The following FGF14 variants were observed in gnomAD, a reference collection of about 807,000 sequenced individuals.
The protein encoded by FGF14 is fibroblast growth factor 14.
In FGF14, 5 loss-of-function variants were observed where a neutral mutation model predicts 25.5. The ratio of observed to expected loss-of-function variants is 0.20; its 90% CI spans 0.10 to 0.41. The LOEUF (loss-of-function observed/expected upper bound fraction) is 0.41, where lower values mean the gene tolerates loss of function less well. Among genes scored for constraint, FGF14 ranks in the 10% least tolerant of loss-of-function variants. The probability of loss-of-function intolerance (pLI) is 1.00; values close to 1 mark genes in which losing one functional copy is unlikely to be tolerated. For synonymous variants in FGF14, 138 were observed against 118.3 expected, an observed-to-expected ratio of 1.17 and a Z score of -1.08; for missense variants, 222 against 320.1, an observed-to-expected ratio of 0.69 and a Z score of 2.34.
At chr13:101,969,154 T>C (rs995321956) in intron 1 of FGF14, among the ~76,000 whole-genome samples, 8 of 152,328 alleles carry the variant, frequency 5.3e-5, no homozygotes, top group Admixed American at 2.6e-4. Flanking sequence ...ACTGCCTAGG[T>C]CTTCATAACT....
At chr13:101,947,996 G>A (rs1461386296) in intron 1 of FGF14, among the ~76,000 whole-genome samples, 1 of 152,164 alleles carries the variant, frequency 6.6e-6, no homozygotes, top group Non-Finnish European at 1.5e-5. Flanking sequence ...AAAGTTTCAT[G>A]TTTTAAAGAA....
At chr13:102,183,759 T>C (rs2048768618) in intron 1 of FGF14, among the ~76,000 whole-genome samples, 1 of 152,184 alleles carries the variant, frequency 6.6e-6, no homozygotes, top group East Asian at 1.9e-4. Flanking sequence ...CATGCCAGAC[T>C]TGGGAATCGG....
At chr13:102,161,172 A>G (rs1594212344) in intron 1 of FGF14, among the ~76,000 whole-genome samples, 1 of 152,218 alleles carries the variant, frequency 6.6e-6, no homozygotes, top group East Asian at 1.9e-4. Context: ...ACAATGTATC[A>G]GGTACTAAGT....
chr13:101,722,691 C>T lies in FGF14; in HGVS notation c.*140G>A. ...CAGGTTGAGATTTATCCACTTGCAACAGAGAAGTTCGGAGACAGCAAAGAA... is the reference window on the plus strand; with the variant it reads ...CAGGTTGAGATTTATCCACTTGCAATAGAGAAGTTCGGAGACAGCAAAGAA... On this transcript the variant is annotated 3_prime_UTR_variant, in exon 5 of 5. Coordinates refer to ENST00000376143, the MANE Select transcript of FGF14 (RefSeq NM_004115.4). 1 of 1,172,154 alleles carries T rather than the reference C, an allele frequency of 8.5e-7. No homozygotes were observed. Among genetic ancestry groups the T allele is most frequent in the East Asian group, 2.5e-5 (1 of 39,532 alleles). The allele number at this position is 1,172,154 out of a possible 1,614,324, so 72.6% of individuals were successfully genotyped here. A position where few individuals can be genotyped will look rare whatever the true frequency, so the allele number is the denominator to read the frequency against.
intron 1 of FGF14, among the ~76,000 whole-genome samples, chr13:102,224,859 T>C (rs1312608565): frequency 6.6e-6 from 1 of 152,186 alleles, no homozygotes; most frequent in Non-Finnish European, 1.5e-5. Flanking sequence ...TTTAACACAC[T>C]GTAATCTAAG....
At chr13:101,858,908 CCT>C (rs544135304) in intron 3 of FGF14, among the ~76,000 whole-genome samples, 68 of 152,084 alleles carry the variant, frequency 4.5e-4, no homozygotes, top group African/African-American at 1.5e-3. Flanking sequence ...TTTTTTCTCC[CCT>C]GAGATTCTCT....
In FGF14 at chr13:101,714,009, A is replaced by G. The variant is rs1215296339; in HGVS notation, c.*8822T>C. 6.4e-6 allele frequency: 1 copy of G among 156,840 alleles called. No homozygotes were observed. Among genetic ancestry groups the G allele is most frequent in the Non-Finnish European group, 1.4e-5 (1 of 71,168 alleles). 9.7% of individuals were successfully genotyped at this position (156,840 alleles called of 1,614,324 possible). On this transcript the variant is annotated 3_prime_UTR_variant, in exon 5 of 5. Coordinates refer to ENST00000376143, the MANE Select transcript of FGF14 (RefSeq NM_004115.4). ...TCCAAAATTATAAGCACAATAATTT[A>G]GTAGTTGTTTTAATTAGAAATGCAA...
chr13:102,297,506 G>A (rs1399250387), intron 1 of FGF14, among the ~76,000 whole-genome samples: 1 of 152,102 alleles, frequency 6.6e-6, no homozygotes, highest in Non-Finnish European at 1.5e-5. Flanking sequence ...CTATGTAAGA[G>A]GAAGCTGGGT....
At chr13:102,136,677 A>AT (rs1159309467) in intron 1 of FGF14, among the ~76,000 whole-genome samples, 2 of 152,012 alleles carry the variant, frequency 1.3e-5, no homozygotes, top group Non-Finnish European at 2.9e-5. Context: ...AAAAAAAAAA[A>AT]CCTGAGACTG....
intron 1 of FGF14, among the ~76,000 whole-genome samples, chr13:101,957,691 C>G (rs17687684): frequency 0.085 from 12,904 of 152,230 alleles, 705 homozygotes; most frequent in Admixed American, 0.19. Flanking sequence ...TCCATCCACC[C>G]TAATTTCTCA....
intron 1 of FGF14, among the ~76,000 whole-genome samples, chr13:102,290,734 C>T (rs561940344): frequency 6.6e-6 from 1 of 152,234 alleles, no homozygotes; most frequent in East Asian, 1.9e-4. Flanking sequence ...GGTACAGCCC[C>T]GAGCTAGGTC....
intron 3 of FGF14, among the ~76,000 whole-genome samples, chr13:101,780,979 G>A (rs748939603): frequency 3.3e-5 from 5 of 151,928 alleles, no homozygotes; most frequent in Admixed American, 1.3e-4. Context: ...TATTTCGTGC[G>A]CGTGCCTCAT....
At chr13:101,839,301 AT>A (rs1478235460) in intron 3 of FGF14, among the ~76,000 whole-genome samples, 3 of 152,044 alleles carry the variant, frequency 2.0e-5, no homozygotes, top group African/African-American at 7.2e-5. Flanking sequence ...GTGAAGTCTA[AT>A]TTATAGACAT....
At chr13:102,340,299 C>T (rs775579539) in intron 1 of FGF14, among the ~76,000 whole-genome samples, 13 of 152,106 alleles carry the variant, frequency 8.5e-5, no homozygotes, top group Non-Finnish European at 1.0e-4. Flanking sequence ...GAAGCAATTG[C>T]GTTTCACATC....
intron 1 of FGF14, among the ~76,000 whole-genome samples, chr13:101,911,191 T>A (rs558307119): frequency 1.3e-5 from 2 of 152,158 alleles, no homozygotes; most frequent in South Asian, 4.2e-4. Context: ...CACAGTAACA[T>A]CATAGAGAAT....
intron 3 of FGF14, among the ~76,000 whole-genome samples, chr13:101,828,202 A>G (rs1426833738): frequency 6.6e-6 from 1 of 152,072 alleles, no homozygotes; most frequent in Admixed American, 6.6e-5. Context: ...TTGTAATGCA[A>G]TAGTTGAACT....
At chr13:102,272,952 T>A (rs1449260226) in intron 1 of FGF14, among the ~76,000 whole-genome samples, 1 of 152,094 alleles carries the variant, frequency 6.6e-6, no homozygotes, top group African/African-American at 2.4e-5. Flanking sequence ...AACAAATATA[T>A]CTCATGAGTT....
intron 3 of FGF14, among the ~76,000 whole-genome samples, chr13:101,829,192 A>G (rs2042552851): frequency 6.6e-6 from 1 of 152,168 alleles, no homozygotes; most frequent in Non-Finnish European, 1.5e-5. Flanking sequence ...AAGTTGGGAA[A>G]GAAACCAGCT....
At chr13:102,151,342 C>A (rs1229603375) in intron 1 of FGF14, among the ~76,000 whole-genome samples, 2 of 152,132 alleles carry the variant, frequency 1.3e-5, no homozygotes, top group Admixed American at 6.6e-5. Context: ...CCAAAGTACC[C>A]AAAGTAAGTG....
Sources: gnomAD v4.1 joint callset for allele counts (sites outside exome capture counted in the v4.1 genomes callset) on GRCh38, gnomAD v4.1.1 for gene constraint, MANE v1.5 for transcripts, NCBI Gene and HGNC (gene_info 2026-07-23, HGNC 2026-07-21) for gene names.